The following GRXCR1 variants were observed in gnomAD, a reference collection of about 807,000 sequenced individuals.
The protein encoded by GRXCR1 is glutaredoxin and cysteine rich domain containing 1, also known as glutaredoxin domain-containing cysteine-rich protein 1.
In GRXCR1, 27 loss-of-function variants were observed where a neutral mutation model predicts 27.3. The observed-to-expected ratio is 0.99, with a 90% CI of 0.73 to 1.37. The LOEUF is 1.37. GRXCR1 is among the 40% of genes most tolerant of loss of function. The probability of loss-of-function intolerance (pLI) is 0.00; values close to 1 mark genes in which losing one functional copy is unlikely to be tolerated. For synonymous variants in GRXCR1, 122 were observed against 131.1 expected (o/e 0.93, Z 0.47); for missense variants, 379 against 354.4 (o/e 1.07, Z -0.56).
chr4:42,996,989 T>C (rs1712188366), intron 2 of GRXCR1, among the ~76,000 whole-genome samples: 1 of 152,166 alleles, frequency 6.6e-6, no homozygotes, highest in Non-Finnish European at 1.5e-5. Context: ...TTTACTTCTG[T>C]TCCTTTTCCT....
intron 1 of GRXCR1, among the ~76,000 whole-genome samples, chr4:42,932,711 T>G (rs1747359253): frequency 6.9e-6 from 1 of 143,930 alleles, no homozygotes; most frequent in South Asian, 2.2e-4. Flanking sequence ...CTAAAAAATA[T>G]GAAGCCTCTC....
chr4:42,967,626 T>C (rs1213364891), intron 2 of GRXCR1, among the ~76,000 whole-genome samples: 1 of 152,142 alleles, frequency 6.6e-6, no homozygotes. Context: ...CATGTTTTTC[T>C]ATTTTTATGC....
chr4:42,915,240 G>C (rs1170032190), intron 1 of GRXCR1, among the ~76,000 whole-genome samples: 2 of 152,224 alleles, frequency 1.3e-5, no homozygotes, highest in East Asian at 3.9e-4. Flanking sequence ...CCAATGTACA[G>C]CTTGCCATCA....
intron 1 of GRXCR1, among the ~76,000 whole-genome samples, chr4:42,940,991 G>A (rs978355784): frequency 6.6e-6 from 1 of 151,972 alleles, no homozygotes; most frequent in African/African-American, 2.4e-5. Context: ...AATTGATTAA[G>A]CCTGATTTGC....
At chr4:43,020,526 T>C in intron 3 of GRXCR1, 107 bp downstream of exon 3, 1 of 762,574 alleles carries the variant, frequency 1.3e-6, no homozygotes, top group Non-Finnish European at 2.3e-6. Flanking sequence ...TTCTTACAAA[T>C]ATGCAATAGG....
chr4:43,015,144 G>C (rs996200118), intron 2 of GRXCR1, among the ~76,000 whole-genome samples: 3 of 152,126 alleles, frequency 2.0e-5, no homozygotes, highest in Non-Finnish European at 4.4e-5. Flanking sequence ...GGATGTCCAG[G>C]AGAAGGAGAG....
At chr4:43,006,045 C>A (rs1359966151) in intron 2 of GRXCR1, among the ~76,000 whole-genome samples, 1 of 152,148 alleles carries the variant, frequency 6.6e-6, no homozygotes, top group African/African-American at 2.4e-5. Flanking sequence ...ATTTCTTATG[C>A]CTGTCTTTAC....
At chr4:42,916,541 A>T (rs1167764570) in intron 1 of GRXCR1, among the ~76,000 whole-genome samples, 2 of 152,134 alleles carry the variant, frequency 1.3e-5, no homozygotes, top group African/African-American at 4.8e-5. Flanking sequence ...GATTTATCTG[A>T]TATTTCCTCC....
intron 1 of GRXCR1, among the ~76,000 whole-genome samples, chr4:42,921,686 C>T (rs774483438): frequency 3.3e-5 from 5 of 151,988 alleles, no homozygotes; most frequent in African/African-American, 4.8e-5. Context: ...TATGTTTTAT[C>T]GAATTTCTCT....
chr4:42,945,144 A>G (rs898464008), intron 1 of GRXCR1, among the ~76,000 whole-genome samples: 6 of 152,166 alleles, frequency 3.9e-5, no homozygotes, highest in African/African-American at 9.6e-5. Flanking sequence ...ACCATCTATA[A>G]GGAACAGGCC....
intron 2 of GRXCR1, among the ~76,000 whole-genome samples, chr4:42,995,669 A>G (rs1291202023): frequency 6.6e-6 from 1 of 152,194 alleles, no homozygotes; most frequent in Non-Finnish European, 1.5e-5. Context: ...CCTTAGAAAG[A>G]AAAAGAAGTA....
intron 1 of GRXCR1, among the ~76,000 whole-genome samples, chr4:42,956,235 T>G (rs1748000973): frequency 6.6e-6 from 1 of 152,074 alleles, no homozygotes; most frequent in Admixed American, 6.6e-5. Flanking sequence ...CCTATCTTTA[T>G]TACCATCTAG....
chr4:42,987,252 TATATATATA>T (rs1209290632), intron 2 of GRXCR1, among the ~76,000 whole-genome samples: 8 of 82,306 alleles, frequency 9.7e-5, no homozygotes, highest in African/African-American at 3.9e-4. Context: ...ATATATAATA[TATATATATA>T]ATATATATAT....
chr4:42,961,590 C>T (rs1748130643), intron 1 of GRXCR1, among the ~76,000 whole-genome samples: 1 of 152,020 alleles, frequency 6.6e-6, no homozygotes, highest in African/African-American at 2.4e-5. Context: ...TCCTGACCTG[C>T]TTCAGCATTT....
At chr4:42,976,891 C>G (rs1345857833) in intron 2 of GRXCR1, among the ~76,000 whole-genome samples, 1 of 151,988 alleles carries the variant, frequency 6.6e-6, no homozygotes, top group Admixed American at 6.6e-5. Context: ...CTCCAATAGA[C>G]TGGATGCAAT....
chr4:42,895,194 T>C (rs1254391749), intron 1 of GRXCR1, among the ~76,000 whole-genome samples: 1 of 152,128 alleles, frequency 6.6e-6, no homozygotes, highest in Admixed American at 6.6e-5. Flanking sequence ...ATCAAAATTT[T>C]AACACTAGAT....
chr4:42,973,730 C>G (rs1048421581), intron 2 of GRXCR1, among the ~76,000 whole-genome samples: 4 of 152,112 alleles, frequency 2.6e-5, no homozygotes, highest in African/African-American at 9.7e-5. Flanking sequence ...GACATATTTG[C>G]ATGCAAGGAT....
At chr4:42,908,603 A>C (rs551522492) in intron 1 of GRXCR1, among the ~76,000 whole-genome samples, 1 of 152,190 alleles carries the variant, frequency 6.6e-6, no homozygotes, top group African/African-American at 2.4e-5. Flanking sequence ...CAAAACAAGT[A>C]ATCTTCTATG....
intron 2 of GRXCR1, among the ~76,000 whole-genome samples, chr4:42,995,595 T>G (rs1469362460): frequency 6.6e-6 from 1 of 152,202 alleles, no homozygotes; most frequent in Non-Finnish European, 1.5e-5. Context: ...ACAAAGCTAA[T>G]TGAGTGGCGT....
Sources: gnomAD v4.1 joint callset for allele counts (sites outside exome capture counted in the v4.1 genomes callset) on GRCh38, gnomAD v4.1.1 for gene constraint, MANE v1.5 for transcripts, NCBI Gene and HGNC (gene_info 2026-07-23, HGNC 2026-07-21) for gene names.